FEZ2: variants seen among roughly 807,000 people sequenced by gnomAD.
FEZ2 encodes the protein fasciculation and elongation protein zeta 2.
In FEZ2, 51 loss-of-function variants were observed where a neutral mutation model predicts 40.4. The ratio of observed to expected loss-of-function variants is 1.26; its 90% CI spans 1.01 to 1.59. FEZ2 has a LOEUF of 1.59. FEZ2 is among the 40% of genes most tolerant of loss of function. FEZ2 has a pLI of 0.00. For synonymous variants in FEZ2, 242 were observed against 172.0 expected, an observed-to-expected ratio of 1.41 and a Z score of -3.18; for missense variants, 640 against 438.3, an observed-to-expected ratio of 1.46 and a Z score of -4.11.
chr2:36,563,677 C>T (rs1438760265), intron 5 of FEZ2, among the ~76,000 whole-genome samples: 1 of 152,178 alleles, frequency 6.6e-6, no homozygotes, highest in Non-Finnish European at 1.5e-5. Context: ...TCCTTCCTGA[C>T]AGCATCCCGA....
chr2:36,554,223 C>T (rs1432765679), intron 7 of FEZ2: 4 of 471,134 alleles, frequency 8.5e-6, no homozygotes, highest in Non-Finnish European at 1.8e-5. Context: ...GGTGCTGCTT[C>T]CCTAAGGCAT....
intron 6 of FEZ2, chr2:36,558,129 G>C: frequency 5.4e-6 from 1 of 186,456 alleles, no homozygotes; most frequent in Non-Finnish European, 1.1e-5. Flanking sequence ...TTTTATTTAT[G>C]ATAAATGGAT....
At position 36,553,997 on chromosome 2, in the gene FEZ2, A is replaced by G. The variant is rs550589385; in HGVS notation, c.1046-818T>C. ...TTCCCACACACATTTGGGTAAATAC[A>G]TCTCCACATTGCACTCCCGTCTTCA... On this transcript the variant is annotated intron_variant, in intron 7 of 7. Transcript: ENST00000405912. Among the ~76,000 whole-genome samples, 8 of 152,246 alleles carry G rather than the reference A, an allele frequency of 5.3e-5. No individual in the cohort carries two copies. In the South Asian group the frequency reaches 1.7e-3, roughly 32 times the overall value.
intron 5 of FEZ2, among the ~76,000 whole-genome samples, chr2:36,574,582 G>A (rs1668509487): frequency 6.6e-6 from 1 of 151,872 alleles, no homozygotes; most frequent in African/African-American, 2.4e-5. Context: ...GCATCGGACA[G>A]AGTCATCAAG....
rs530104674 is a variant in FEZ2, at chr2:36,574,576, C to T, written c.903+4021G>A. Among the ~76,000 whole-genome samples, 21 of 151,802 alleles carry T rather than the reference C, an allele frequency of 1.4e-4. No homozygotes were observed. The South Asian group carries it at 1.9e-3, about 14-fold the overall frequency. On this transcript the variant is annotated intron_variant, in intron 5 of 7. Transcript: ENST00000405912. Reference sequence around the variant, plus strand: ...AAAGAGAGAGTAGTCAACTCTGCATCGGACAGAGTCATCAAGGAAGGTTCT... The same window carrying T: ...AAAGAGAGAGTAGTCAACTCTGCATTGGACAGAGTCATCAAGGAAGGTTCT...
intron 2 of FEZ2, among the ~76,000 whole-genome samples, chr2:36,589,152 A>G (rs528155313): frequency 1.3e-5 from 2 of 152,332 alleles, no homozygotes; most frequent in East Asian, 3.9e-4. Flanking sequence ...AGTTACTATA[A>G]AGACAAATAC....
Position 36,578,769 on chromosome 2 carries a change from G to C in FEZ2, c.731C>G (p.Ala244Gly), listed in dbSNP as rs776143643. 1 of 1,613,830 alleles carries C rather than the reference G, an allele frequency of 6.2e-7. No individual in the cohort carries two copies. The highest frequency in any genetic ancestry group is 8.5e-7 in the Non-Finnish European group (1 of 1,179,838). The change falls in exon 5 of 8, where the codon GCT becomes GGT. Residue 244 changes from alanine to glycine, a missense_variant. Physicochemically the swap from Ala to Gly is moderately conservative, Grantham distance 60. Coordinates refer to ENST00000405912, the MANE Select transcript of FEZ2 (RefSeq NM_005102.3). The part of the protein sequence containing the change: ...EYSEELVQQL[A>G]LRDELEFEKE... ...TTCAAACTCCAGTTCATCTCGTAAAGCCAACTGCTGCACCAGCTCCTCAGA... is the reference window on the plus strand; with the variant it reads ...TTCAAACTCCAGTTCATCTCGTAAACCCAACTGCTGCACCAGCTCCTCAGA...
Position 36,578,868 on chromosome 2 carries a change from G to C in FEZ2, c.635-3C>G. The C allele has an allele frequency of 6.2e-7, 1 of 1,603,214 alleles. No individual in the cohort carries two copies. Among genetic ancestry groups the C allele is most frequent in the Non-Finnish European group, 8.5e-7 (1 of 1,175,916 alleles). ...AGACACTGAGAGCCTTTTCACTCCT[G>C]TGACCAAAAGCAAAATACAGCAGAT... On this transcript the variant is annotated splice_polypyrimidine_tract_variant and splice_region_variant and intron_variant, in intron 4 of 7. Transcript: ENST00000405912.
rs1279075901 is a variant in FEZ2 at position 36,597,904 on chromosome 2, G to A, written c.239C>T (p.Thr80Met). ...GTCCCCCTGCAGGAGGCTGCGCTCC[G>A]TGATGGGCCGCACGGCCGTCCTCGG... ...EPPRTAVRPI[T>M]ERSLLQGDEI... The change falls in exon 1 of 8, where the codon ACG becomes ATG. Residue 80 changes from threonine (T) to methionine (M), a missense_variant. Physicochemically the swap from Thr to Met is moderately conservative, Grantham distance 81 (BLOSUM62 -1). Coordinates refer to ENST00000405912, the MANE Select transcript of FEZ2 (RefSeq NM_005102.3). 5 of 1,407,548 alleles carry A rather than the reference G, an allele frequency of 3.6e-6. No homozygotes were observed. Among genetic ancestry groups the A allele is most frequent in the South Asian group, 1.5e-5 (1 of 65,848 alleles). The allele number at this position is 1,407,548 out of a possible 1,614,324, so 87.2% of individuals were successfully genotyped here. A position where few individuals can be genotyped will look rare whatever the true frequency, so the allele number is the denominator to read the frequency against.
chr2:36,580,293 T>C (rs771336714), intron 4 of FEZ2, among the ~76,000 whole-genome samples: 4 of 152,226 alleles, frequency 2.6e-5, no homozygotes, highest in Admixed American at 1.3e-4. Flanking sequence ...CTGAAAGAAT[T>C]TGGTCTGTCT....
Position 36,598,108 on chromosome 2 carries a change from T to TC in FEZ2, c.34dup (p.Glu12GlyfsTer16). 1 of 1,482,328 alleles carries TC rather than the reference T, an allele frequency of 6.7e-7. No homozygotes were observed. The highest frequency in any genetic ancestry group is 8.9e-7 in the Non-Finnish European group (1 of 1,126,168). 91.8% of individuals were successfully genotyped at this position (1,482,328 alleles called of 1,614,324 possible). On this transcript the variant is annotated frameshift_variant, in exon 1 of 8. Coordinates refer to ENST00000405912, the MANE Select transcript of FEZ2 (RefSeq NM_005102.3). LOFTEE classifies it high-confidence loss of function. ...GAGGCTCCGGGCCGGCTCCTGGAAC[T>TC]CATAGAAATCCTGCCAGTCCCCGTC...
At chr2:36,591,720 G>C (rs1398710353) in intron 1 of FEZ2, among the ~76,000 whole-genome samples, 1 of 152,178 alleles carries the variant, frequency 6.6e-6, no homozygotes, top group African/African-American at 2.4e-5. Context: ...ATTACAGGGA[G>C]GCAAGAGGGT....
intron 3 of FEZ2, among the ~76,000 whole-genome samples, 160 bp downstream of exon 3, chr2:36,583,193 C>T (rs751673232): frequency 2.6e-5 from 4 of 152,162 alleles, no homozygotes; most frequent in African/African-American, 4.8e-5. Flanking sequence ...ATCACAAATA[C>T]TTATTTTTCT....
intron 7 of FEZ2, among the ~76,000 whole-genome samples, chr2:36,553,822 AAAG>A (rs770639242): frequency 6.6e-6 from 1 of 152,138 alleles, no homozygotes; most frequent in East Asian, 1.9e-4. Context: ...ACCACCCAAA[AAAG>A]GGGAAGGAGT....
In FEZ2 at chr2:36,558,487, C is replaced by G; in HGVS notation, c.930G>C (p.Glu310Asp). 6.6e-7 allele frequency: 1 copy of G among 1,515,932 alleles called. No homozygotes were observed. The highest frequency in any genetic ancestry group is 8.9e-7 in the Non-Finnish European group (1 of 1,127,860). 93.9% of individuals were successfully genotyped at this position (1,515,932 alleles called of 1,614,324 possible). ...GTYLTTVIPY[E>D]KKNGPPSVED... ...CAACAGACGGTGGTCCGTTTTTTTT[C>G]TCATAAGGAATGACTGTAGTCAAAT... The change falls in exon 6 of 8, where the codon GAG (glutamate) becomes GAC (aspartate). Residue 310 changes from glutamate to aspartate, a missense_variant. Physicochemically the swap from Glu to Asp is conservative, Grantham distance 45. Transcript: ENST00000405912.
intron 5 of FEZ2, among the ~76,000 whole-genome samples, chr2:36,570,037 T>C (rs1337751691): frequency 6.6e-6 from 1 of 152,118 alleles, no homozygotes; most frequent in African/African-American, 2.4e-5. Flanking sequence ...TATAAAACAG[T>C]AGGTTTAATT....
chr2:36,578,616 C>G lies in FEZ2; in HGVS notation c.884G>C (p.Arg295Thr), dbSNP rs1340237107. 1 of 1,612,880 alleles carries G rather than the reference C, an allele frequency of 6.2e-7. No homozygotes were observed. Among genetic ancestry groups the G allele is most frequent in the Non-Finnish European group, 8.5e-7 (1 of 1,179,678 alleles). ...NGSSQNGKNE[R>T]SHMPGTYLTT... ...ACTTACTGTGCCGGGCATATGACTT[C>G]TCTCATTCTTCCCATTCTGAGAGCT... The change falls in exon 5 of 8, where the codon AGA becomes ACA. Residue 295 changes from arginine to threonine, a missense_variant. Arg to Thr is a moderately conservative substitution (Grantham distance 71). Transcript: ENST00000405912.
chr2:36,564,981 C>A (rs1668196294), intron 5 of FEZ2, among the ~76,000 whole-genome samples: 1 of 152,216 alleles, frequency 6.6e-6, no homozygotes, highest in African/African-American at 2.4e-5. Context: ...GAGACATCCC[C>A]TCATTTGCTG....
intron 2 of FEZ2, among the ~76,000 whole-genome samples, chr2:36,585,054 A>C (rs1289635247): frequency 6.6e-6 from 1 of 152,178 alleles, no homozygotes; most frequent in East Asian, 1.9e-4. Context: ...CAGCATCATG[A>C]ACTAAGAACA....
Sources: allele counts gnomAD v4.1 joint callset (sites outside exome capture counted in the v4.1 genomes callset), GRCh38; gene constraint gnomAD v4.1.1; transcripts MANE v1.5; gene names NCBI Gene and HGNC (gene_info 2026-07-23, HGNC 2026-07-21).